UTP25: variants seen among roughly 807,000 people sequenced by gnomAD.
UTP25 encodes the protein UTP25 small subunit processome component.
UTP25 carries 50 observed loss-of-function variants against 78.9 expected under a neutral mutation model. The observed-to-expected ratio is 0.63, with a 90% CI of 0.50 to 0.80. The LOEUF (loss-of-function observed/expected upper bound fraction) is 0.80, where lower values mean the gene tolerates loss of function less well. Ranked by LOEUF, UTP25 falls within the 30% of genes least tolerant of loss-of-function variation. UTP25 has a pLI of 0.00. For synonymous variants in UTP25, 329 were observed against 336.5 expected, an observed-to-expected ratio of 0.98 and a Z score of 0.24; for missense variants, 846 against 911.3, an observed-to-expected ratio of 0.93 and a Z score of 0.92.
chr1:209,829,825 T>G (rs979585143), intron 1 of UTP25, among the ~76,000 whole-genome samples: 2 of 152,158 alleles, frequency 1.3e-5, no homozygotes, highest in African/African-American at 2.4e-5. Flanking sequence ...TAGAAAAACA[T>G]GAACCCCGAA....
chr1:209,842,402 G>C lies in UTP25; in HGVS notation c.1623G>C (p.Gln541His), dbSNP rs1396961340. Residue 541 changes from glutamine to histidine, a missense_variant, in exon 9 of 12, where the codon CAG (glutamine) becomes CAC (histidine). Physicochemically the swap from Gln to His is conservative, Grantham distance 24. Transcript: ENST00000491415. ...TLLFGALQDA[Q>H]INSVFNKYCV... ...TATTTGGGGCCCTTCAGGATGCCCA[G>C]ATCAACTCAGTGTTCAACAAGTACT... is the stretch of plus-strand genomic sequence containing the variant. 3 of 1,614,040 alleles carry C rather than the reference G, an allele frequency of 1.9e-6. No individual in the cohort carries two copies. The highest frequency in any genetic ancestry group is 1.7e-6 in the Non-Finnish European group (2 of 1,180,018).
intron 10 of UTP25, chr1:209,843,065 A>G: frequency 3.0e-6 from 1 of 328,110 alleles, no homozygotes; most frequent in Non-Finnish European, 5.6e-6. Flanking sequence ...CTTTTTCTTC[A>G]TTGTGTTTAG....
At chr1:209,837,993 T>A (rs2078143813) in intron 6 of UTP25, among the ~76,000 whole-genome samples, 1 of 152,176 alleles carries the variant, frequency 6.6e-6, no homozygotes, top group Non-Finnish European at 1.5e-5. Flanking sequence ...CCTTGTGTAA[T>A]AGCGGGGGAA....
Position 209,842,291 on chromosome 1 carries a change from A to G in UTP25, c.1512A>G (p.Leu504=). 2 of 1,613,826 alleles carry G rather than the reference A, an allele frequency of 1.2e-6. No individual in the cohort carries two copies. The highest frequency in any genetic ancestry group is 1.7e-6 in the Non-Finnish European group (2 of 1,179,932). ...VLHLMNHMNL[L]PLDSHGVDFS... Reference sequence around the variant, plus strand: ...ATTTGATGAATCACATGAACCTACTACCCCTGGACTCACATGGGGTAGACT... The same window carrying G: ...ATTTGATGAATCACATGAACCTACTGCCCCTGGACTCACATGGGGTAGACT... The change falls in exon 9 of 12, where the codon CTA becomes CTG. Residue 504 remains leucine, a synonymous_variant. Transcript: ENST00000491415.
chr1:209,832,294 A>G (rs2078107563), intron 3 of UTP25, among the ~76,000 whole-genome samples: 1 of 152,114 alleles, frequency 6.6e-6, no homozygotes, highest in African/African-American at 2.4e-5. Context: ...ATGAGTATGT[A>G]TATATATTTA....
intron 7 of UTP25, among the ~76,000 whole-genome samples, chr1:209,839,417 C>A (rs1298955604): frequency 6.6e-6 from 1 of 152,132 alleles, no homozygotes; most frequent in Non-Finnish European, 1.5e-5. Flanking sequence ...AAAGCACACC[C>A]ATAGCTGGTA....
At chr1:209,840,158 A>G (rs1481499174) in intron 7 of UTP25, among the ~76,000 whole-genome samples, 1 of 152,240 alleles carries the variant, frequency 6.6e-6, no homozygotes, top group Admixed American at 6.5e-5. Context: ...CTGTCCAGGA[A>G]GCAGTTGGTA....
chr1:209,835,189 C>G (rs759674514), intron 5 of UTP25, 26 bp downstream of exon 5: 1 of 1,595,040 alleles, frequency 6.3e-7, no homozygotes, highest in East Asian at 2.2e-5. Flanking sequence ...TCATCCCGGT[C>G]ACAAATAGAG....
chr1:209,837,175 T>A lies in UTP25; in HGVS notation c.1026T>A (p.Asp342Glu). 1 of 1,614,104 alleles carries A rather than the reference T, an allele frequency of 6.2e-7. No individual in the cohort carries two copies. Among genetic ancestry groups the A allele is most frequent in the Non-Finnish European group, 8.5e-7 (1 of 1,180,002 alleles). The change falls in exon 6 of 12, where the codon GAT (aspartate) becomes GAA (glutamate). Residue 342 changes from aspartate (D) to glutamate (E), a missense_variant. Transcript: ENST00000491415. The part of the protein sequence containing the change: ...RRSQKFGVGD[D>E]DDFRDQGLTR... ...GCCAGAAGTTTGGAGTGGGTGATGA[T>A]GATGACTTCAGAGACCAAGGGTTAA...
chr1:209,835,922 T>C (rs2078130202), intron 5 of UTP25, among the ~76,000 whole-genome samples: 2 of 152,326 alleles, frequency 1.3e-5, no homozygotes, highest in South Asian at 4.2e-4. Flanking sequence ...CCTATATTTA[T>C]ATACAATTTT....
In UTP25 at chr1:209,838,903, G is replaced by T. The variant is rs1203249818; in HGVS notation, c.1063-6G>T. 1.3e-5 allele frequency: 21 copies of T among 1,613,996 alleles called. No homozygotes were observed. The highest frequency in any genetic ancestry group is 1.7e-5 in the Non-Finnish European group (20 of 1,179,932). On this transcript the variant is annotated splice_region_variant and splice_polypyrimidine_tract_variant and intron_variant, in intron 6 of 11. Transcript: ENST00000491415. ...CCCACTAAGGCTGCTGTTGCTGTCT[G>T]CACAGGTACTGATAGTGGTGCCATT...
chr1:209,851,587 CT>C lies in UTP25; in HGVS notation c.*143del. On this transcript the variant is annotated 3_prime_UTR_variant, in exon 12 of 12. Transcript: ENST00000491415. ...AGGCAATGTCAGTATTATCTGACAT[CT>C]TTCTTTTCAGGTCATGTGTCCCTGA... The C allele has an allele frequency of 8.9e-7, 1 of 1,126,112 alleles. No homozygotes were observed. Among genetic ancestry groups the C allele is most frequent in the Non-Finnish European group, 1.2e-6 (1 of 828,028 alleles). 69.8% of individuals were successfully genotyped at this position (1,126,112 alleles called of 1,614,324 possible). A position where few individuals can be genotyped will look rare whatever the true frequency, so the allele number is the denominator to read the frequency against.
chr1:209,850,813 C>G (rs1157311963), intron 11 of UTP25, among the ~76,000 whole-genome samples: 1 of 152,136 alleles, frequency 6.6e-6, no homozygotes. Context: ...TGGGTCTGAC[C>G]TTGTCTCCAT....
intron 5 of UTP25, among the ~76,000 whole-genome samples, chr1:209,836,576 G>T (rs1440702684): frequency 6.6e-6 from 1 of 152,196 alleles, no homozygotes; most frequent in African/African-American, 2.4e-5. Flanking sequence ...CTAGCCCTCA[G>T]CTCCATTTTC....
chr1:209,842,193 A>C (rs2078170611), intron 8 of UTP25, 72 bp from the exon 9 acceptor site: 2 of 1,492,688 alleles, frequency 1.3e-6, no homozygotes, highest in Non-Finnish European at 1.8e-6. Context: ...ATAGACTCGG[A>C]AAATGTTTAG....
chr1:209,844,652 A>C (rs1172471763), intron 11 of UTP25: 1 of 155,042 alleles, frequency 6.4e-6, no homozygotes, highest in East Asian at 1.9e-4. Context: ...AAAAAAAAAA[A>C]AAACCAACTC....
chr1:209,835,854 T>C (rs1043637825), intron 5 of UTP25, among the ~76,000 whole-genome samples: 3 of 152,246 alleles, frequency 2.0e-5, no homozygotes, highest in African/African-American at 4.8e-5. Context: ...GACATTGATA[T>C]AATCTACCAG....
chr1:209,844,055 T>G (rs2078182353), intron 11 of UTP25: 2 of 210,218 alleles, frequency 9.5e-6, no homozygotes, highest in South Asian at 1.9e-4. Flanking sequence ...GTCTAGACTT[T>G]TTCCCTCTGT....
chr1:209,854,071 C>T lies in UTP25; in HGVS notation c.*2624C>T, dbSNP rs1439862772. On this transcript the variant is annotated 3_prime_UTR_variant, in exon 12 of 12. Transcript: ENST00000491415. Reference sequence around the variant, plus strand: ...GCCTTGAAGATCTGGTCTCTCTCAACACACAATAAGCGAGAAGAGAGGCTA... The same window carrying T: ...GCCTTGAAGATCTGGTCTCTCTCAATACACAATAAGCGAGAAGAGAGGCTA... The T allele has an allele frequency of 6.6e-6, 1 of 152,188 alleles. No homozygotes were observed. The highest frequency in any genetic ancestry group is 1.9e-4 in the East Asian group (1 of 5,194). 9.4% of individuals were successfully genotyped at this position (152,188 alleles called of 1,614,324 possible). A position where few individuals can be genotyped will look rare whatever the true frequency, so the allele number is the denominator to read the frequency against.
Sources: allele counts gnomAD v4.1 joint callset (sites outside exome capture counted in the v4.1 genomes callset), GRCh38; gene constraint gnomAD v4.1.1; transcripts MANE v1.5; gene names NCBI Gene and HGNC (gene_info 2026-07-23, HGNC 2026-07-21).